BMPR2: variants seen among roughly 807,000 people sequenced by gnomAD.
BMPR2 encodes the protein bone morphogenetic protein receptor type-2.
BMPR2 carries 29 observed loss-of-function variants against 100.8 expected under a neutral mutation model. The observed-to-expected ratio is 0.29, with a 90% CI of 0.21 to 0.39. The LOEUF is 0.39. Among genes scored for constraint, BMPR2 ranks in the 10% least tolerant of loss-of-function variants. The probability of loss-of-function intolerance (pLI) is 1.00; values close to 1 mark genes in which losing one functional copy is unlikely to be tolerated. For synonymous variants in BMPR2, 382 were observed against 442.3 expected, an observed-to-expected ratio of 0.86 and a Z score of 1.71; for missense variants, 1,011 against 1,274.5, an observed-to-expected ratio of 0.79 and a Z score of 3.15.
At chr2:202,530,727 T>A (rs1688007490) in intron 7 of BMPR2, 67 bp from the exon 8 acceptor site, 6 of 1,371,144 alleles carry the variant, frequency 4.4e-6, no homozygotes, top group Middle Eastern at 1.9e-4. Flanking sequence ...TCTATATTTA[T>A]GTATGTTCAT....
intron 1 of BMPR2, among the ~76,000 whole-genome samples, chr2:202,454,446 G>C (rs567257642): frequency 6.6e-6 from 1 of 152,254 alleles, no homozygotes; most frequent in African/African-American, 2.4e-5. Flanking sequence ...GTAAGAGAAG[G>C]CTACTTGCTG....
intron 1 of BMPR2, among the ~76,000 whole-genome samples, chr2:202,378,555 T>A (rs1271092719): frequency 1.3e-5 from 2 of 152,238 alleles, no homozygotes; most frequent in Non-Finnish European, 1.5e-5. Flanking sequence ...GGTTACTTGC[T>A]TATTTTCATT....
intron 1 of BMPR2, among the ~76,000 whole-genome samples, chr2:202,442,690 A>G (rs1691771814): frequency 1.3e-5 from 2 of 150,574 alleles, no homozygotes; most frequent in Admixed American, 6.6e-5. Context: ...ATAAGTATGC[A>G]TTATTTCATC....
intron 11 of BMPR2, 72 bp from the exon 12 acceptor site, chr2:202,555,180 G>C: frequency 1.5e-6 from 2 of 1,332,140 alleles, no homozygotes; most frequent in Non-Finnish European, 2.1e-6. Flanking sequence ...TAAAATCAGA[G>C]GTGTTAAATT....
intron 9 of BMPR2, among the ~76,000 whole-genome samples, chr2:202,534,666 A>G (rs1222039552): frequency 6.6e-6 from 1 of 152,198 alleles, no homozygotes; most frequent in Non-Finnish European, 1.5e-5. Context: ...ACTTCTTTCT[A>G]CACAGACACG....
At chr2:202,387,824 T>C (rs1053822388) in intron 1 of BMPR2, among the ~76,000 whole-genome samples, 1 of 152,228 alleles carries the variant, frequency 6.6e-6, no homozygotes, top group Non-Finnish European at 1.5e-5. Context: ...CAGTCTAGTG[T>C]GAAGAAAAAC....
intron 1 of BMPR2, among the ~76,000 whole-genome samples, chr2:202,378,619 C>T (rs72925025): frequency 3.9e-5 from 6 of 151,982 alleles, no homozygotes; most frequent in Non-Finnish European, 8.8e-5. Context: ...TCCTTTTATG[C>T]TTTTGCTATT....
At chr2:202,384,315 A>C (rs1312893847) in intron 1 of BMPR2, among the ~76,000 whole-genome samples, 2 of 152,252 alleles carry the variant, frequency 1.3e-5, no homozygotes, top group South Asian at 2.1e-4. Context: ...GATATAGTGC[A>C]AAATGTGTGC....
At chr2:202,414,765 A>T (rs1173210811) in intron 1 of BMPR2, among the ~76,000 whole-genome samples, 1 of 151,988 alleles carries the variant, frequency 6.6e-6, no homozygotes. Context: ...TTGGAGACAG[A>T]GTCTCCCTCT....
chr2:202,449,156 G>C (rs989630491), intron 1 of BMPR2, among the ~76,000 whole-genome samples: 1 of 151,538 alleles, frequency 6.6e-6, no homozygotes, highest in Non-Finnish European at 1.5e-5. Flanking sequence ...TAAAAATACA[G>C]AATTAGCCGG....
rs966874665 is a variant in BMPR2 at position 202,398,627 on chromosome 2, G to A, written c.76+21077G>A. 2.0e-5 allele frequency among the ~76,000 whole-genome samples: 3 copies of A among 152,086 alleles called. No individual in the cohort carries two copies. In the South Asian group the frequency reaches 6.2e-4, roughly 32 times the overall value. The stretch of plus-strand genomic sequence containing the variant: ...ACTGCTGAGTTTTGAATATTCTTGT[G>A]GTTTTCCCATGTCTACTGACATTTG... On this transcript the variant is annotated intron_variant, in intron 1 of 12. Transcript: ENST00000374580.
intron 1 of BMPR2, among the ~76,000 whole-genome samples, chr2:202,429,262 T>G (rs1464177633): frequency 6.6e-6 from 1 of 152,230 alleles, no homozygotes; most frequent in African/African-American, 2.4e-5. Context: ...TCTTCAGTGG[T>G]TCCTTGTGGC....
chr2:202,515,571 C>CAAA (rs1297491040), intron 5 of BMPR2, among the ~76,000 whole-genome samples: 1 of 75,404 alleles, frequency 1.3e-5, no homozygotes, highest in Non-Finnish European at 2.8e-5. Context: ...AACTCTGCCA[C>CAAA]AAAAAAAAAA....
intron 3 of BMPR2, among the ~76,000 whole-genome samples, chr2:202,477,035 A>C (rs1692565328): frequency 6.6e-6 from 1 of 152,018 alleles, no homozygotes; most frequent in African/African-American, 2.4e-5. Context: ...AATGATTAAG[A>C]GCATAGGTCA....
intron 9 of BMPR2, among the ~76,000 whole-genome samples, chr2:202,536,304 A>G (rs901839156): frequency 5.9e-5 from 9 of 151,940 alleles, no homozygotes; most frequent in South Asian, 4.2e-4. Flanking sequence ...TGTAGAGACA[A>G]GGTTTCACCA....
chr2:202,497,908 C>A (rs1693076169), intron 3 of BMPR2, among the ~76,000 whole-genome samples: 1 of 152,164 alleles, frequency 6.6e-6, no homozygotes, highest in Non-Finnish European at 1.5e-5. Context: ...TTGCCCAAAG[C>A]CCTGTCACAG....
At chr2:202,504,031 ACT>A (rs1181573025) in intron 3 of BMPR2, among the ~76,000 whole-genome samples, 2 of 151,462 alleles carry the variant, frequency 1.3e-5, no homozygotes, top group East Asian at 1.9e-4. Context: ...TTGTGTCGAC[ACT>A]CTGTATCTAG....
In BMPR2 at chr2:202,542,352, G is replaced by A. The variant is rs995786252; in HGVS notation, c.1318G>A (p.Val440Ile). ...PEYQMAFQTE[V>I]GNHPTFEDMQ... ...GTACCAGATGGCTTTTCAGACAGAG[G>A]TTGGAAACCATCCCACTTTTGAGGA... Residue 440 changes from valine to isoleucine, a missense_variant, in exon 10 of 13, where the codon GTT (valine) becomes ATT (isoleucine). This residue lies in a region of BMPR2 where 83 missense variants were observed against 140.7 expected (regional missense o/e 0.59). Coordinates refer to ENST00000374580, the MANE Select transcript of BMPR2 (RefSeq NM_001204.7). 6.2e-7 allele frequency: 1 copy of A among 1,613,904 alleles called. No individual in the cohort carries two copies.
Position 202,530,754 on chromosome 2 carries a change from C to G in BMPR2, c.968-40C>G. The G allele has an allele frequency of 2.6e-6, 4 of 1,514,984 alleles. No individual in the cohort carries two copies. In the South Asian group the frequency reaches 4.6e-5, roughly 18 times the overall value. 93.8% of individuals were successfully genotyped at this position (1,514,984 alleles called of 1,614,324 possible). A position where few individuals can be genotyped will look rare whatever the true frequency, so the allele number is the denominator to read the frequency against. ...TATGTTCATTTCATGTTCAATAGTC[C>G]CTTTTATTCATTGATAAATATTTGA... On this transcript the variant is annotated intron_variant, in intron 7 of 12. Transcript: ENST00000374580.
Sources: gnomAD v4.1 joint callset for allele counts (sites outside exome capture counted in the v4.1 genomes callset) on GRCh38, gnomAD v4.1.1 for gene constraint, gnomAD v4.1.1 regional missense constraint, MANE v1.5 for transcripts, NCBI Gene and HGNC (gene_info 2026-07-23, HGNC 2026-07-21) for gene names.